The following GAS2 variants were observed in gnomAD, a reference collection of about 807,000 sequenced individuals.
The protein encoded by GAS2 is growth arrest specific 2.
GAS2 carries 20 observed loss-of-function variants against 37.5 expected under a neutral mutation model. The observed-to-expected ratio is 0.53, with a 90% CI of 0.37 to 0.77. GAS2 has a LOEUF of 0.77. GAS2 is among the 30% of genes least tolerant of loss of function. The pLI, the probability that GAS2 is intolerant of heterozygous loss-of-function variation, is 0.00. For missense variants in GAS2, 336 were observed against 373.4 expected, an observed-to-expected ratio of 0.90 and a Z score of 0.82; for synonymous variants, 144 against 132.2, an observed-to-expected ratio of 1.09 and a Z score of -0.61.
chr11:22,769,831 C>A (rs1223772899), intron 7 of GAS2, among the ~76,000 whole-genome samples: 1 of 152,090 alleles, frequency 6.6e-6, no homozygotes, highest in East Asian at 1.9e-4. Flanking sequence ...TTAATTACAA[C>A]CAAAGAAAGT....
chr11:22,749,641 GAAGTT>G, intron 6 of GAS2, among the ~76,000 whole-genome samples: 1 of 152,142 alleles, frequency 6.6e-6, no homozygotes, highest in South Asian at 2.1e-4. Context: ...GTATGATAGA[GAAGTT>G]AAGTGCCTTT....
intron 1 of GAS2, among the ~76,000 whole-genome samples, chr11:22,644,346 G>A (rs1848663906): frequency 6.6e-6 from 1 of 151,802 alleles, no homozygotes; most frequent in Admixed American, 6.6e-5. Flanking sequence ...TTTTTTCATT[G>A]CAATATCACA....
At chr11:22,777,689 A>T (rs1015967563) in intron 7 of GAS2, among the ~76,000 whole-genome samples, 4 of 152,186 alleles carry the variant, frequency 2.6e-5, no homozygotes, top group African/African-American at 9.6e-5. Flanking sequence ...ATTGGAGATT[A>T]TGTAGAGAAT....
chr11:22,803,743 G>A (rs887453963), intron 7 of GAS2, among the ~76,000 whole-genome samples: 1 of 152,094 alleles, frequency 6.6e-6, no homozygotes, highest in Non-Finnish European at 1.5e-5. Context: ...TTCTGAGTTT[G>A]CATATATGAG....
intron 1 of GAS2, among the ~76,000 whole-genome samples, chr11:22,673,469 C>T (rs1310743394): frequency 6.6e-6 from 1 of 152,184 alleles, no homozygotes; most frequent in Non-Finnish European, 1.5e-5. Context: ...TTTTCATTGT[C>T]ATACAGTCAT....
chr11:22,645,735 A>G (rs1565064219), intron 1 of GAS2, among the ~76,000 whole-genome samples: 1 of 151,878 alleles, frequency 6.6e-6, no homozygotes, highest in Non-Finnish European at 1.5e-5. Flanking sequence ...AAAATTGTAA[A>G]TTTTGAATTG....
chr11:22,637,166 ATATTAAT>A (rs1858836978), intron 1 of GAS2, among the ~76,000 whole-genome samples: 1 of 125,182 alleles, frequency 8.0e-6, no homozygotes, highest in East Asian at 2.4e-4. Flanking sequence ...TGTTAATATT[ATATTAAT>A]ATATTACTTA....
chr11:22,785,242 G>GA (rs1855766853), intron 7 of GAS2, among the ~76,000 whole-genome samples: 1 of 152,028 alleles, frequency 6.6e-6, no homozygotes, highest in African/African-American at 2.4e-5. Flanking sequence ...AGTCCGCATG[G>GA]AAAAAGAAGG....
intron 7 of GAS2, among the ~76,000 whole-genome samples, chr11:22,770,797 T>C (rs1854939176): frequency 6.6e-6 from 1 of 152,246 alleles, no homozygotes; most frequent in African/African-American, 2.4e-5. Context: ...TTATTCTCAT[T>C]GTCGTTCAAA....
At chr11:22,650,168 G>C (rs199705625) in intron 1 of GAS2, among the ~76,000 whole-genome samples, 1 of 151,004 alleles carries the variant, frequency 6.6e-6, no homozygotes, top group African/African-American at 2.4e-5. Flanking sequence ...CCTTCATTTC[G>C]TTATGTACCC....
At chr11:22,696,885 T>G (rs1301954032) in intron 3 of GAS2, among the ~76,000 whole-genome samples, 2 of 148,682 alleles carry the variant, frequency 1.3e-5, no homozygotes, top group Admixed American at 6.7e-5. Flanking sequence ...TTCTCCCATT[T>G]TGTAGGTTGC....
intron 3 of GAS2, among the ~76,000 whole-genome samples, chr11:22,725,139 A>C (rs1205989579): frequency 6.6e-6 from 1 of 152,062 alleles, no homozygotes; most frequent in Non-Finnish European, 1.5e-5. Flanking sequence ...CTTTAGCTTC[A>C]TGGAATGTCA....
At chr11:22,652,249 G>A (rs958944817) in intron 1 of GAS2, among the ~76,000 whole-genome samples, 13 of 152,194 alleles carry the variant, frequency 8.5e-5, no homozygotes, top group African/African-American at 3.1e-4. Flanking sequence ...AGGGGGTCAG[G>A]GACCCACTTG....
intron 6 of GAS2, among the ~76,000 whole-genome samples, chr11:22,752,762 T>A (rs1853814529): frequency 6.6e-6 from 1 of 152,026 alleles, no homozygotes; most frequent in Non-Finnish European, 1.5e-5. Flanking sequence ...TATAGTCCAG[T>A]GAACAGTTTC....
At chr11:22,694,127 A>G (rs565777048) in intron 3 of GAS2, among the ~76,000 whole-genome samples, 1 of 152,248 alleles carries the variant, frequency 6.6e-6, no homozygotes, top group South Asian at 2.1e-4. Flanking sequence ...AAGTTTACCT[A>G]TATAACAAAC....
chr11:22,678,979 T>C (rs890404866), intron 2 of GAS2, among the ~76,000 whole-genome samples: 2 of 152,094 alleles, frequency 1.3e-5, no homozygotes, highest in African/African-American at 4.8e-5. Flanking sequence ...ATTTATATAT[T>C]AGAATATAAA....
At chr11:22,778,313 T>C (rs907720915) in intron 7 of GAS2, among the ~76,000 whole-genome samples, 1 of 152,226 alleles carries the variant, frequency 6.6e-6, no homozygotes, top group African/African-American at 2.4e-5. Context: ...ATTGTCTAGC[T>C]CCTGGGAATA....
intron 1 of GAS2, among the ~76,000 whole-genome samples, chr11:22,629,192 T>A (rs2133802774): frequency 6.6e-6 from 1 of 152,322 alleles, no homozygotes; most frequent in Middle Eastern, 3.4e-3. Flanking sequence ...TACTCAGTAG[T>A]GGGATTGCTG....
chr11:22,715,018 C>G (rs1851595556), intron 3 of GAS2, among the ~76,000 whole-genome samples: 1 of 151,886 alleles, frequency 6.6e-6, no homozygotes, highest in Admixed American at 6.6e-5. Context: ...AAGATCAGAG[C>G]AGAACTAAAT....
Sources: allele counts gnomAD v4.1 joint callset (sites outside exome capture counted in the v4.1 genomes callset), GRCh38; gene constraint gnomAD v4.1.1; transcripts MANE v1.5; gene names NCBI Gene and HGNC (gene_info 2026-07-23, HGNC 2026-07-21).